Variants in UQCC1 observed in about 807,000 individuals in gnomAD.
UQCC1 encodes bFGF-repressed Zic-binding protein.
A neutral mutation model predicts 48.0 loss-of-function variants in UQCC1; 38 were observed. The ratio of observed to expected loss-of-function variants is 0.79; its 90% CI spans 0.61 to 1.04. The LOEUF (loss-of-function observed/expected upper bound fraction) is 1.04, where lower values mean the gene tolerates loss of function less well. Among genes scored for constraint, UQCC1 ranks in the 50% least tolerant of loss-of-function variants. UQCC1 has a pLI of 0.00. For missense variants in UQCC1, 368 were observed against 381.8 expected, an observed-to-expected ratio of 0.96 and a Z score of 0.30; for synonymous variants, 111 against 129.2, an observed-to-expected ratio of 0.86 and a Z score of 0.95.
chr20:35,328,617 G>T (rs2061223534), intron 7 of UQCC1, among the ~76,000 whole-genome samples: 1 of 152,190 alleles, frequency 6.6e-6, no homozygotes, highest in African/African-American at 2.4e-5. Flanking sequence ...ACTGGCTTCA[G>T]TATGTGAGCA....
intron 1 of UQCC1, among the ~76,000 whole-genome samples, chr20:35,411,450 A>C (rs1400323409): frequency 6.6e-6 from 1 of 152,212 alleles, no homozygotes; most frequent in African/African-American, 2.4e-5. Flanking sequence ...ACTTAACTGT[A>C]CAGTTAAGAA....
At chr20:35,342,367 G>A (rs1270951506) in intron 7 of UQCC1, among the ~76,000 whole-genome samples, 1 of 152,220 alleles carries the variant, frequency 6.6e-6, no homozygotes, top group African/African-American at 2.4e-5. Flanking sequence ...TTGAGCCACT[G>A]CCGTGAGCTA....
intron 7 of UQCC1, among the ~76,000 whole-genome samples, chr20:35,327,808 C>A (rs2061211533): frequency 6.6e-6 from 1 of 152,092 alleles, no homozygotes; most frequent in Non-Finnish European, 1.5e-5. Context: ...TTGAGACCAG[C>A]CTGGCCAACA....
chr20:35,319,103 C>T (rs985273355), intron 7 of UQCC1, among the ~76,000 whole-genome samples: 2 of 152,170 alleles, frequency 1.3e-5, no homozygotes, highest in African/African-American at 4.8e-5. Flanking sequence ...ATATCAGTTA[C>T]TCATATTTTC....
At chr20:35,340,237 T>C (rs2061362162) in intron 7 of UQCC1, among the ~76,000 whole-genome samples, 1 of 152,182 alleles carries the variant, frequency 6.6e-6, no homozygotes, top group Admixed American at 6.5e-5. Flanking sequence ...TTGCTACCTC[T>C]TAAGGCCTAG....
At chr20:35,366,301 G>A (rs1459648295) in intron 6 of UQCC1, among the ~76,000 whole-genome samples, 4 of 152,168 alleles carry the variant, frequency 2.6e-5, no homozygotes, top group African/African-American at 4.8e-5. Flanking sequence ...AGTGTGTTAA[G>A]AGATACTGAT....
chr20:35,410,704 C>CAAAAAAAAAAAAAA (rs1183843739), intron 1 of UQCC1, among the ~76,000 whole-genome samples: 11 of 2,702 alleles, frequency 4.1e-3, no homozygotes, highest in Admixed American at 0.013. Flanking sequence ...GACTCTGCCT[C>CAAAAAAAAAAAAAA]AAAAAAAAAA....
intron 1 of UQCC1, among the ~76,000 whole-genome samples, chr20:35,407,793 C>A (rs547234145): frequency 6.6e-5 from 10 of 152,184 alleles, no homozygotes; most frequent in Non-Finnish European, 1.2e-4. Context: ...GAGGCCGAGG[C>A]AGGCGGATCA....
chr20:35,317,527 A>C (rs2061074828), intron 7 of UQCC1, among the ~76,000 whole-genome samples: 1 of 152,220 alleles, frequency 6.6e-6, no homozygotes, highest in Non-Finnish European at 1.5e-5. Flanking sequence ...ACACACCTTC[A>C]ACCAGGGCTA....
intron 1 of UQCC1, among the ~76,000 whole-genome samples, chr20:35,404,003 CGAG>C (rs571967340): frequency 0.014 from 2,195 of 152,032 alleles, 50 homozygotes; most frequent in African/African-American, 0.049. Context: ...TTTGGGAGGC[CGAG>C]GAGGGCGGAT....
chr20:35,317,038 C>T (rs986998038), intron 7 of UQCC1, among the ~76,000 whole-genome samples: 1 of 151,332 alleles, frequency 6.6e-6, no homozygotes, highest in Non-Finnish European at 1.5e-5. Context: ...CGGGTTCAGG[C>T]GATTCTCCTG....
At chr20:35,368,204 C>T (rs1469508434) in intron 5 of UQCC1, among the ~76,000 whole-genome samples, 1 of 152,098 alleles carries the variant, frequency 6.6e-6, no homozygotes, top group Non-Finnish European at 1.5e-5. Flanking sequence ...AGAGGGGACA[C>T]TAGGAGATAA....
At chr20:35,337,115 G>C (rs1420384738) in intron 7 of UQCC1, among the ~76,000 whole-genome samples, 1 of 152,054 alleles carries the variant, frequency 6.6e-6, no homozygotes, top group East Asian at 1.9e-4. Context: ...TCAAACTAGA[G>C]AGCTGGTGAA....
chr20:35,338,616 C>A (rs978169115), intron 7 of UQCC1, among the ~76,000 whole-genome samples: 4 of 151,240 alleles, frequency 2.6e-5, no homozygotes, highest in African/African-American at 9.7e-5. Flanking sequence ...GGAGGCCGAG[C>A]GGGTGGATCA....
chr20:35,335,507 G>C (rs1326276499), intron 7 of UQCC1, among the ~76,000 whole-genome samples: 1 of 152,126 alleles, frequency 6.6e-6, no homozygotes, highest in African/African-American at 2.4e-5. Flanking sequence ...ATGAAGTACT[G>C]AAAATATGCC....
chr20:35,408,407 G>A (rs2062284880), intron 1 of UQCC1, among the ~76,000 whole-genome samples: 1 of 152,110 alleles, frequency 6.6e-6, no homozygotes, highest in Non-Finnish European at 1.5e-5. Flanking sequence ...CAGCCTGCAT[G>A]ACACAGCAAG....
At chr20:35,373,804 G>C (rs2061763228) in intron 5 of UQCC1, among the ~76,000 whole-genome samples, 1 of 151,752 alleles carries the variant, frequency 6.6e-6, no homozygotes, top group African/African-American at 2.4e-5. Flanking sequence ...TCAAAGTACA[G>C]TTTGTTTGTT....
chr20:35,395,362 C>T (rs1477937437), intron 1 of UQCC1, among the ~76,000 whole-genome samples: 1 of 151,976 alleles, frequency 6.6e-6, no homozygotes, highest in Non-Finnish European at 1.5e-5. Context: ...GCCTTCACTC[C>T]TATTATCTCA....
At chr20:35,382,169 CA>C (rs1227109922) in intron 3 of UQCC1, 144 bp from the exon 4 acceptor site, 3 of 552,000 alleles carry the variant, frequency 5.4e-6, no homozygotes, top group Non-Finnish European at 9.6e-6. Flanking sequence ...TGAAGTGGCA[CA>C]ATCATAGCTC....
Sources: allele counts gnomAD v4.1 joint callset (sites outside exome capture counted in the v4.1 genomes callset), GRCh38; gene constraint gnomAD v4.1.1; transcripts MANE v1.5; gene names NCBI Gene and HGNC (gene_info 2026-07-23, HGNC 2026-07-21).